Variants in NKD2 observed in about 807,000 individuals in gnomAD.
NKD2 encodes NKD inhibitor of Wnt signaling pathway 2.
A neutral mutation model predicts 34.8 loss-of-function variants in NKD2; 43 were observed. That is an observed-to-expected ratio of 1.24 (90% confidence interval 0.97 to 1.60). The LOEUF (loss-of-function observed/expected upper bound fraction) is 1.60. Among genes scored for constraint, NKD2 ranks in the 40% most tolerant of loss-of-function variants. The probability of loss-of-function intolerance (pLI) is 0.00; values close to 1 mark genes in which losing one functional copy is unlikely to be tolerated. For synonymous variants in NKD2, 278 were observed against 265.1 expected, an observed-to-expected ratio of 1.05 and a Z score of -0.47; for missense variants, 675 against 627.1, an observed-to-expected ratio of 1.08 and a Z score of -0.82.
chr5:1,034,137 G>C, intron 5 of NKD2, 98 bp from the exon 6 acceptor site: 1 of 841,350 alleles, frequency 1.2e-6, no homozygotes, highest in Non-Finnish European at 1.9e-6. Flanking sequence ...TGGCATGAGG[G>C]ACCCCTGGGA....
chr5:1,014,328 C>T (rs1043463034), intron 3 of NKD2, among the ~76,000 whole-genome samples: 5 of 152,340 alleles, frequency 3.3e-5, no homozygotes, highest in African/African-American at 1.2e-4. Context: ...TTTGGGCCGC[C>T]GTATGCCTGC....
chr5:1,029,618 G>A (rs1756560690), intron 3 of NKD2, among the ~76,000 whole-genome samples: 1 of 152,176 alleles, frequency 6.6e-6, no homozygotes, highest in Non-Finnish European at 1.5e-5. Context: ...CACTGTATTA[G>A]CTTTATGCGT....
chr5:1,031,899 C>T (rs1384712769), intron 3 of NKD2, among the ~76,000 whole-genome samples: 2 of 152,208 alleles, frequency 1.3e-5, no homozygotes, highest in Admixed American at 6.5e-5. Flanking sequence ...AGGGGTCATT[C>T]CAGGCAGCTG....
intron 3 of NKD2, among the ~76,000 whole-genome samples, chr5:1,026,541 CA>C (rs1735430227): frequency 1.5e-5 from 1 of 65,698 alleles, no homozygotes; most frequent in African/African-American, 3.9e-5. Flanking sequence ...TGTCCCAGCC[CA>C]TTGTCCCTGC....
Position 1,032,225 on chromosome 5 carries a change from C to T in NKD2, c.202+13C>T, listed in dbSNP as rs1318690393. 2 of 1,600,494 alleles carry T rather than the reference C, an allele frequency of 1.2e-6. No individual in the cohort carries two copies. The highest frequency in any genetic ancestry group is 1.7e-6 in the Non-Finnish European group (2 of 1,170,710). On this transcript the variant is annotated intron_variant, in intron 4 of 9. Transcript: ENST00000296849. ...TGTCCCCTACAGGGTGAGTGCAGCT[C>T]CCGCAGCCCTCCCTCCCCAAACTCA...
intron 5 of NKD2, chr5:1,033,995 C>T: frequency 3.4e-6 from 2 of 579,912 alleles, no homozygotes; most frequent in Non-Finnish European, 6.1e-6. Context: ...ATAGGTGTCA[C>T]TGTGGGGGAA....
chr5:1,033,928 A>G (rs947327193), intron 5 of NKD2, among the ~76,000 whole-genome samples: 2 of 152,168 alleles, frequency 1.3e-5, no homozygotes, highest in Non-Finnish European at 2.9e-5. Context: ...ACAACACTTG[A>G]CGGCCAGTGT....
intron 9 of NKD2, 37 bp downstream of exon 9, chr5:1,036,421 G>T: frequency 1.9e-6 from 3 of 1,584,044 alleles, no homozygotes; most frequent in Non-Finnish European, 2.6e-6. Context: ...TGAGGCCCTG[G>T]CTGTGGGTGC....
Position 1,037,849 on chromosome 5 carries a change from T to C in NKD2, c.832T>C (p.Ser278Pro). 1 of 1,594,248 alleles carries C rather than the reference T, an allele frequency of 6.3e-7. No individual in the cohort carries two copies. Residue 278 changes from serine (S) to proline (P), a missense_variant, in exon 10 of 10, where the codon TCG (serine) becomes CCG (proline). Coordinates refer to ENST00000296849, the MANE Select transcript of NKD2 (RefSeq NM_033120.4). ...AAAGCAGGAGCCCCAGGGCAGGGCC[T>C]CGCACCTCCAGGCCCGGTCCCGCTC... The part of the protein sequence containing the change: ...QAKQEPQGRA[S>P]HLQARSRSQE...
chr5:1,035,189 AAT>A (rs1491258404), intron 7 of NKD2, among the ~76,000 whole-genome samples, 198 bp from the exon 8 acceptor site: 15 of 151,508 alleles, frequency 9.9e-5, no homozygotes, highest in African/African-American at 2.9e-4. Context: ...TGAGTGAGTT[AAT>A]GAGTGAACGA....
Position 1,016,666 on chromosome 5 carries a change from C to A in NKD2, c.141+7106C>A, listed in dbSNP as rs202145440. Among the ~76,000 whole-genome samples the A allele has an allele frequency of 9.2e-5, 14 of 152,346 alleles. No individual in the cohort carries two copies. The East Asian group carries it at 2.7e-3, about 29-fold the overall frequency. ...AGTGAGGTTCTCCGTGAGGCACTCA[C>A]GTCGGTAGCTGGCAGGACCCTCCAG... is the stretch of plus-strand genomic sequence containing the variant. On this transcript the variant is annotated intron_variant, in intron 3 of 9. Transcript: ENST00000296849.
At chr5:1,031,058 C>T (rs914736791) in intron 3 of NKD2, among the ~76,000 whole-genome samples, 2 of 152,162 alleles carry the variant, frequency 1.3e-5, no homozygotes, top group Non-Finnish European at 2.9e-5. Flanking sequence ...TGTTTGGACC[C>T]TGGCCAGTGA....
chr5:1,034,439 G>A (rs954152748), intron 6 of NKD2, 109 bp downstream of exon 6: 11 of 908,832 alleles, frequency 1.2e-5, no homozygotes, highest in Middle Eastern at 2.2e-4. Flanking sequence ...TGCCTGCTGC[G>A]AGGTCCTCAT....
chr5:1,010,022 G>T (rs1000252795), intron 3 of NKD2, among the ~76,000 whole-genome samples: 6 of 152,212 alleles, frequency 3.9e-5, no homozygotes, highest in Non-Finnish European at 8.8e-5. Flanking sequence ...CATGGCCAGA[G>T]TCAGAGGCCT....
At chr5:1,034,983 G>A (rs2150749280) in intron 7 of NKD2, 80 bp downstream of exon 7, 3 of 1,349,360 alleles carry the variant, frequency 2.2e-6, no homozygotes, top group Middle Eastern at 2.5e-4. Flanking sequence ...GACAGGGAGG[G>A]ACAAGTGAGT....
chr5:1,030,877 G>A (rs914748450), intron 3 of NKD2, among the ~76,000 whole-genome samples: 2 of 152,176 alleles, frequency 1.3e-5, no homozygotes, highest in Non-Finnish European at 2.9e-5. Context: ...CTCAGCTCTG[G>A]GGGGCCCTTG....
chr5:1,021,420 C>A (rs1302742662), intron 3 of NKD2, among the ~76,000 whole-genome samples: 12 of 140,690 alleles, frequency 8.5e-5, no homozygotes, highest in African/African-American at 2.4e-4. Context: ...CCGACCCAGC[C>A]CCCCCCAGCC....
At position 1,038,175 on chromosome 5, in the gene NKD2, C is replaced by G; in HGVS notation, c.1158C>G (p.Arg386=). 1 of 1,587,064 alleles carries G rather than the reference C, an allele frequency of 6.3e-7. No homozygotes were observed. The change falls in exon 10 of 10, where the codon CGC becomes CGG. Residue 386 remains arginine (R), a synonymous_variant. Transcript: ENST00000296849. This position sits in a 1 kb window ranked among gnomAD's most constrained non-coding sequence, Gnocchi z 4.5. ...CACCCTACGGCCACAAGCGGTACCG[C>G]CAAAAGGGCAGGGAGGGCCACTCGC... ...PPPPYGHKRY[R]QKGREGHSPL...
Position 1,026,122 on chromosome 5 carries a change from C to T in NKD2, c.142-6030C>T, listed in dbSNP as rs367656867. ...CTGCTCTTCCCACCCTCTGTGGGTG[C>T]CCCAGCCCATTGTCCCTGCTCTTCC... On this transcript the variant is annotated intron_variant, in intron 3 of 9. Transcript: ENST00000296849. 1.9e-3 allele frequency among the ~76,000 whole-genome samples: 110 copies of T among 57,540 alleles called. 6 individuals carry two copies. Among genetic ancestry groups the T allele is most frequent in the African/African-American group, 8.2e-3 (91 of 11,096 alleles). The allele number at this position is 57,540 out of a possible 152,430, so 37.7% of individuals were successfully genotyped here. A position where few individuals can be genotyped will look rare whatever the true frequency, so the allele number is the denominator to read the frequency against.
Sources: allele counts gnomAD v4.1 joint callset (sites outside exome capture counted in the v4.1 genomes callset), GRCh38; gene constraint gnomAD v4.1.1; non-coding constraint Gnocchi (gnomAD v3.1); transcripts MANE v1.5; gene names NCBI Gene and HGNC (gene_info 2026-07-23, HGNC 2026-07-21).